The following PSD3 variants were observed in gnomAD, a reference collection of about 807,000 sequenced individuals.
The protein encoded by PSD3 is pleckstrin and Sec7 domain containing 3, also known as PH and SEC7 domain-containing protein 3.
In PSD3, 49 loss-of-function variants were observed where a neutral mutation model predicts 105.5. That is an observed-to-expected ratio of 0.46 (90% CI 0.37 to 0.59). PSD3 has a LOEUF of 0.59. Ranked by LOEUF, PSD3 falls within the 20% of genes least tolerant of loss-of-function variation. The probability of loss-of-function intolerance (pLI) is 0.00; values close to 1 mark genes in which losing one functional copy is unlikely to be tolerated. For synonymous variants in PSD3, 557 were observed against 457.8 expected (o/e 1.22, Z -2.77); for missense variants, 1,561 against 1,263.8 (o/e 1.24, Z -3.57).
chr8:18,720,625 T>C (rs1188241841), intron 9 of PSD3, among the ~76,000 whole-genome samples: 3 of 152,176 alleles, frequency 2.0e-5, no homozygotes, highest in African/African-American at 7.2e-5. Flanking sequence ...CAGAAGTACA[T>C]ACTGAATGTG....
chr8:18,677,612 C>T (rs1407647747), intron 9 of PSD3, among the ~76,000 whole-genome samples: 5 of 152,068 alleles, frequency 3.3e-5, no homozygotes, highest in Non-Finnish European at 7.4e-5. Context: ...AAACAGTTAT[C>T]GATAATATGA....
intron 9 of PSD3, among the ~76,000 whole-genome samples, chr8:18,692,308 G>A (rs1258786679): frequency 6.6e-6 from 1 of 152,122 alleles, no homozygotes; most frequent in Non-Finnish European, 1.5e-5. Flanking sequence ...CAAAATAAAT[G>A]TAAAACAGTA....
At chr8:18,549,968 G>T (rs980312410) in intron 15 of PSD3, among the ~76,000 whole-genome samples, 1 of 152,174 alleles carries the variant, frequency 6.6e-6, no homozygotes, top group Non-Finnish European at 1.5e-5. Context: ...GTTCAGAAAG[G>T]ATAAGGTCAT....
At chr8:18,562,162 G>A (rs1373284672) in intron 14 of PSD3, among the ~76,000 whole-genome samples, 2 of 152,144 alleles carry the variant, frequency 1.3e-5, no homozygotes, top group Non-Finnish European at 2.9e-5. Flanking sequence ...GCACTGTGCT[G>A]GGTGCTGGGA....
At chr8:18,971,860 C>T (rs1404430609) in intron 1 of PSD3, among the ~76,000 whole-genome samples, 1 of 152,058 alleles carries the variant, frequency 6.6e-6, no homozygotes, top group East Asian at 1.9e-4. Flanking sequence ...TAAAAATTAG[C>T]TGGGCATGGT....
At chr8:18,710,708 GTC>G (rs983698336) in intron 9 of PSD3, among the ~76,000 whole-genome samples, 1 of 152,018 alleles carries the variant, frequency 6.6e-6, no homozygotes, top group South Asian at 2.1e-4. Flanking sequence ...TTGAGATGGA[GTC>G]TCTCTCTGTC....
chr8:18,767,243 C>T (rs1258165745), intron 8 of PSD3, among the ~76,000 whole-genome samples: 1 of 152,198 alleles, frequency 6.6e-6, no homozygotes, highest in African/African-American at 2.4e-5. Flanking sequence ...ACTAAGAAAA[C>T]TAACAAAATT....
chr8:18,963,393 G>A (rs572942919), intron 1 of PSD3, among the ~76,000 whole-genome samples: 1 of 152,170 alleles, frequency 6.6e-6, no homozygotes, highest in Non-Finnish European at 1.5e-5. Context: ...CTTTTCTCAT[G>A]CAAATACCAG....
chr8:19,030,869 G>C (rs941402223), intron 1 of PSD3, among the ~76,000 whole-genome samples: 2 of 152,112 alleles, frequency 1.3e-5, no homozygotes, highest in African/African-American at 4.8e-5. Flanking sequence ...AATATACCTG[G>C]ATAAGCTGCT....
intron 12 of PSD3, among the ~76,000 whole-genome samples, chr8:18,579,332 T>C (rs1802662788): frequency 6.6e-6 from 1 of 152,202 alleles, no homozygotes; most frequent in Non-Finnish European, 1.5e-5. Context: ...GACTATTTGC[T>C]GTGCAAACTA....
At chr8:19,035,851 TTC>T (rs1827924471) in intron 1 of PSD3, among the ~76,000 whole-genome samples, 1 of 151,868 alleles carries the variant, frequency 6.6e-6, no homozygotes, top group African/African-American at 2.4e-5. Context: ...ACCTCCTGAG[TTC>T]AAGCCATTCT....
intron 9 of PSD3, among the ~76,000 whole-genome samples, chr8:18,712,047 A>G (rs777473740): frequency 1.2e-4 from 18 of 152,226 alleles, no homozygotes; most frequent in Non-Finnish European, 2.6e-4. Flanking sequence ...AATGAAATTA[A>G]GGCAGAAATT....
At chr8:19,065,586 C>T (rs1002898691) in intron 1 of PSD3, among the ~76,000 whole-genome samples, 3 of 152,110 alleles carry the variant, frequency 2.0e-5, no homozygotes, top group Admixed American at 2.0e-4. Flanking sequence ...CAGGGAAACA[C>T]GTTCGCTGGT....
intron 11 of PSD3, among the ~76,000 whole-genome samples, chr8:18,625,574 T>C (rs28731030): frequency 0.091 from 13,787 of 152,232 alleles, 853 homozygotes; most frequent in East Asian, 0.19. Context: ...GTTATCTAAA[T>C]ACATGCTACA....
At chr8:19,062,634 T>C (rs938158964) in intron 1 of PSD3, among the ~76,000 whole-genome samples, 2 of 152,244 alleles carry the variant, frequency 1.3e-5, no homozygotes, top group Admixed American at 1.3e-4. Context: ...AGTATTATTT[T>C]CTATAAGTAA....
At chr8:18,993,292 T>C (rs7812992) in intron 1 of PSD3, among the ~76,000 whole-genome samples, 2,246 of 152,308 alleles carry the variant, frequency 0.015, 70 homozygotes, top group African/African-American at 0.05. Flanking sequence ...CACAGTTCTA[T>C]GACCTCTCCT....
chr8:19,005,478 G>T (rs1405553132), intron 1 of PSD3, among the ~76,000 whole-genome samples: 1 of 151,674 alleles, frequency 6.6e-6, no homozygotes, highest in Non-Finnish European at 1.5e-5. Context: ...TGGAATTTTT[G>T]GGGTTTTTTT....
chr8:18,882,728 T>C (rs1443885295), intron 2 of PSD3, among the ~76,000 whole-genome samples: 2 of 152,072 alleles, frequency 1.3e-5, no homozygotes, highest in African/African-American at 4.8e-5. Context: ...TAAAATTTAA[T>C]AAAATTGAAA....
intron 9 of PSD3, among the ~76,000 whole-genome samples, chr8:18,701,549 C>T (rs937903118): frequency 2.9e-4 from 44 of 152,032 alleles, no homozygotes; most frequent in African/African-American, 1.0e-3. Context: ...TATTGCAGTC[C>T]AGTTAAACCA....
Sources: allele counts gnomAD v4.1 joint callset (sites outside exome capture counted in the v4.1 genomes callset), GRCh38; gene constraint gnomAD v4.1.1; transcripts MANE v1.5; gene names NCBI Gene and HGNC (gene_info 2026-07-23, HGNC 2026-07-21).